The following TRPV5 variants were observed in gnomAD, a reference collection of about 807,000 sequenced individuals.
TRPV5 encodes the protein transient receptor potential cation channel subfamily V member 5, also known as calcium transport protein 2.
A neutral mutation model predicts 74.1 loss-of-function variants in TRPV5; 66 were observed. The ratio of observed to expected loss-of-function variants is 0.89; its 90% CI spans 0.73 to 1.09. The LOEUF (loss-of-function observed/expected upper bound fraction) is 1.09, where lower values mean the gene tolerates loss of function less well. Among genes scored for constraint, TRPV5 ranks in the 50% least tolerant of loss-of-function variants. The pLI is 0.00. For synonymous variants in TRPV5, 399 were observed against 360.7 expected (o/e 1.11, Z -1.20); for missense variants, 936 against 930.4 (o/e 1.01, Z -0.08).
chr7:142,922,333 CA>C (rs1218373681), intron 8 of TRPV5, among the ~76,000 whole-genome samples: 1 of 151,994 alleles, frequency 6.6e-6, no homozygotes, highest in Non-Finnish European at 1.5e-5. Context: ...TTTCAAAAGT[CA>C]AAAAGGAGAT....
rs901642707 is a variant in TRPV5, at chr7:142,928,919, C to T, written c.587-53G>A. 5.0e-6 allele frequency: 8 copies of T among 1,611,616 alleles called. No individual in the cohort carries two copies. In the African/African-American group the frequency reaches 9.4e-5, roughly 19 times the overall value. On this transcript the variant is annotated intron_variant, in intron 5 of 14. Coordinates refer to ENST00000265310, the MANE Select transcript of TRPV5 (RefSeq NM_019841.7). ...CCACTGGCCTAAAGTCCCTGATGTC[C>T]CCATCCCCACTCTGGGGTCTTCCTA...
At chr7:142,915,710 G>T in intron 8 of TRPV5, 142 bp from the exon 9 acceptor site, 1 of 724,896 alleles carries the variant, frequency 1.4e-6, no homozygotes, top group Non-Finnish European at 2.2e-6. Flanking sequence ...CATTGTACTT[G>T]CCATTGTGGG....
chr7:142,909,590 C>T lies in TRPV5; in HGVS notation c.1795G>A (p.Ala599Thr), dbSNP rs1563368449. 6.8e-6 allele frequency: 11 copies of T among 1,613,712 alleles called. No homozygotes were observed. Among genetic ancestry groups the T allele is most frequent in the Non-Finnish European group, 9.3e-6 (11 of 1,179,970 alleles). ...RDELWRAQVV[A>T]TTVMLERKLP... ...TTCCGCTCCAGCATCACTGTGGTGG[C>T]CACGACCTGGAAGGAGGCAGGAGAT... is the stretch of plus-strand genomic sequence containing the variant. Residue 599 changes from alanine to threonine, a missense_variant, in exon 14 of 15, where the codon GCC (alanine) becomes ACC (threonine). Transcript: ENST00000265310.
chr7:142,908,701 G>T lies in TRPV5; in HGVS notation c.2003C>A (p.Pro668His). The part of the protein sequence containing the change: ...DDQEHPSEKQ[P>H]SGAESGTLAR... ...TAGAGTCCCACTCTCAGCCCCAGAG[G>T]GCTGTTTCTCAGATGGATGCTCCTG... Residue 668 changes from proline to histidine, a missense_variant, in exon 15 of 15, where the codon CCC becomes CAC. Coordinates refer to ENST00000265310, the MANE Select transcript of TRPV5 (RefSeq NM_019841.7). The T allele has an allele frequency of 6.2e-7, 1 of 1,614,206 alleles. No homozygotes were observed. The highest frequency in any genetic ancestry group is 8.5e-7 in the Non-Finnish European group (1 of 1,180,046).
intron 11 of TRPV5, 52 bp downstream of exon 11, chr7:142,914,825 CTCTG>C (rs1795764877): frequency 6.8e-6 from 11 of 1,610,732 alleles, no homozygotes; most frequent in Admixed American, 6.7e-5. Flanking sequence ...ACCTCCATCC[CTCTG>C]TCTGTGAAGG....
At chr7:142,923,543 C>T (rs766345982) in intron 8 of TRPV5, among the ~76,000 whole-genome samples, 7 of 152,062 alleles carry the variant, frequency 4.6e-5, no homozygotes, top group Non-Finnish European at 1.0e-4. Flanking sequence ...ATCCTCTTAC[C>T]CACCCACTTC....
At chr7:142,920,264 T>C (rs925115869) in intron 8 of TRPV5, among the ~76,000 whole-genome samples, 4 of 152,244 alleles carry the variant, frequency 2.6e-5, no homozygotes, top group Non-Finnish European at 5.9e-5. Context: ...CTCAGGGGTA[T>C]TGGCTTGGGA....
At position 142,908,610 on chromosome 7, in the gene TRPV5, G is replaced by A; in HGVS notation, c.2094C>T (p.His698=). 1 of 1,614,248 alleles carries A rather than the reference G, an allele frequency of 6.2e-7. No homozygotes were observed. The highest frequency in any genetic ancestry group is 1.1e-5 in the South Asian group (1 of 91,090). ...TTTGACGAAGGATCTCCCAGCCTCG[G>A]TGACTGCTGCTCTGGGACGCGGTCC... ...LSRTASQSSS[H]RGWEILRQNT... The change falls in exon 15 of 15, where the codon CAC becomes CAT. Residue 698 remains histidine, a synonymous_variant. Transcript: ENST00000265310.
intron 12 of TRPV5, 70 bp from the exon 13 acceptor site, chr7:142,912,820 G>T: frequency 6.7e-7 from 1 of 1,499,564 alleles, no homozygotes; most frequent in Non-Finnish European, 9.1e-7. Flanking sequence ...GACATGGTTA[G>T]CACTTATTCT....
chr7:142,920,981 A>T (rs1482607136), intron 8 of TRPV5, among the ~76,000 whole-genome samples: 1 of 151,786 alleles, frequency 6.6e-6, no homozygotes, highest in Non-Finnish European at 1.5e-5. Flanking sequence ...GGTTCTCCTC[A>T]TCTCTTTCCC....
chr7:142,924,021 A>T (rs559064723), intron 8 of TRPV5, among the ~76,000 whole-genome samples: 1 of 151,938 alleles, frequency 6.6e-6, no homozygotes, highest in East Asian at 1.9e-4. Flanking sequence ...TCAATTTCTA[A>T]TCACTCCTCC....
At position 142,930,515 on chromosome 7, in the gene TRPV5, C is replaced by G. The variant is rs1468976642; in HGVS notation, c.129-69G>C. The stretch of plus-strand genomic sequence containing the variant: ...GAATGAGGCCAAGAGCAAAGGGGAT[C>G]TAAGACATTCTTTAAGACCAACGTG... On this transcript the variant is annotated intron_variant, in intron 1 of 14. Transcript: ENST00000265310. 3 of 1,156,372 alleles carry G rather than the reference C, an allele frequency of 2.6e-6. No homozygotes were observed. The Admixed American group carries it at 5.1e-5, about 20-fold the overall frequency. The allele number at this position is 1,156,372 out of a possible 1,614,324, so 71.6% of individuals were successfully genotyped here.
In TRPV5 at chr7:142,912,503, C is replaced by T. The variant is rs1342299877; in HGVS notation, c.1767G>A (p.Arg589=). Residue 589 remains arginine, a synonymous_variant, in exon 13 of 15, where the codon AGG becomes AGA. Coordinates refer to ENST00000265310, the MANE Select transcript of TRPV5 (RefSeq NM_019841.7). Reference sequence around the variant, plus strand: ...TCACCTGGGCCCTCCAGAGCTCATCCCTCTCCTGGGCCACCCTCCAGTGGG... The same window carrying T: ...TCACCTGGGCCCTCCAGAGCTCATCTCTCTCCTGGGCCACCCTCCAGTGGG... ...GDTHWRVAQE[R]DELWRAQVVA... is the part of the protein sequence containing the mutation. 3.7e-6 allele frequency: 6 copies of T among 1,614,028 alleles called. No individual in the cohort carries two copies. In the African/African-American group the frequency reaches 8.0e-5, roughly 22 times the overall value.
At chr7:142,928,451 GCTTTGGGTTAT>G (rs1796026076) in intron 6 of TRPV5, among the ~76,000 whole-genome samples, 2 of 152,226 alleles carry the variant, frequency 1.3e-5, no homozygotes, top group South Asian at 4.1e-4. Context: ...GGAAGCTAGA[GCTTTGGGTTAT>G]CACAGCACAT....
chr7:142,909,946 T>G (rs1335396825), intron 13 of TRPV5, among the ~76,000 whole-genome samples: 2 of 152,216 alleles, frequency 1.3e-5, no homozygotes, highest in African/African-American at 4.8e-5. Context: ...TTAAAGAGAA[T>G]CTCTACGATC....
intron 13 of TRPV5, 21 bp downstream of exon 13, chr7:142,912,461 G>C: frequency 6.2e-7 from 1 of 1,603,550 alleles, no homozygotes; most frequent in Non-Finnish European, 8.5e-7. Flanking sequence ...TTCTTAGCAA[G>C]ACTAACACAA....
At chr7:142,909,640 T>G (rs770727261) in intron 13 of TRPV5, 44 bp from the exon 14 acceptor site, 3 of 1,598,982 alleles carry the variant, frequency 1.9e-6, no homozygotes, top group South Asian at 1.1e-5. Flanking sequence ...GAAAGAGCCA[T>G]GAGGTTCAAA....
chr7:142,933,280 G>C (rs1425432733), intron 1 of TRPV5, 52 bp downstream of exon 1: 5 of 1,600,074 alleles, frequency 3.1e-6, no homozygotes, highest in Non-Finnish European at 4.3e-6. Flanking sequence ...AGGTGGGTCA[G>C]AGGGTCTGAG....
rs747402135 is a variant in TRPV5 at position 142,912,692 on chromosome 7, G to A, written c.1578C>T (p.Tyr526=). The change falls in exon 13 of 15, where the codon TAC becomes TAT. Residue 526 remains tyrosine (Y), a synonymous_variant. Transcript: ENST00000265310. The part of the protein sequence containing the change: ...DPTSLGQFYD[Y]PMALFTTFEL... ...CAAAGGTGGTGAACAGTGCCATGGG[G>A]TAGTCATAGAATTGCCCCAGACTGG... 6.2e-7 allele frequency: 1 copy of A among 1,614,258 alleles called. No individual in the cohort carries two copies. The highest frequency in any genetic ancestry group is 8.5e-7 in the Non-Finnish European group (1 of 1,180,048).
Sources: gnomAD v4.1 joint callset for allele counts (sites outside exome capture counted in the v4.1 genomes callset) on GRCh38, gnomAD v4.1.1 for gene constraint, MANE v1.5 for transcripts, NCBI Gene and HGNC (gene_info 2026-07-23, HGNC 2026-07-21) for gene names.